The following PHYHD1 variants were observed in gnomAD, a reference collection of about 807,000 sequenced individuals.
PHYHD1 encodes phytanoyl-CoA dioxygenase domain-containing protein 1.
Under a neutral mutation model 43.6 loss-of-function variants are expected in PHYHD1, and 42 were observed. The ratio of observed to expected loss-of-function variants is 0.96; its 90% CI spans 0.75 to 1.25. The LOEUF (loss-of-function observed/expected upper bound fraction) is 1.25, where lower values mean the gene tolerates loss of function less well. Among genes scored for constraint, PHYHD1 ranks in the 50% most tolerant of loss-of-function variants. The probability of loss-of-function intolerance (pLI) is 0.00; values close to 1 mark genes in which losing one functional copy is unlikely to be tolerated. For missense variants in PHYHD1, 342 were observed against 370.8 expected, an observed-to-expected ratio of 0.92 and a Z score of 0.64; for synonymous variants, 139 against 143.6, an observed-to-expected ratio of 0.97 and a Z score of 0.23.
chr9:128,940,002 G>A (rs1458598129), intron 9 of PHYHD1, among the ~76,000 whole-genome samples: 2 of 152,120 alleles, frequency 1.3e-5, no homozygotes, highest in Non-Finnish European at 2.9e-5. Flanking sequence ...GGTGGCTGGG[G>A]GCCGCTTGTC....
At chr9:128,934,495 G>A (rs974312371) in intron 6 of PHYHD1, among the ~76,000 whole-genome samples, 4 of 152,044 alleles carry the variant, frequency 2.6e-5, no homozygotes, top group African/African-American at 4.8e-5. Context: ...GTGGCTGGGC[G>A]TGGTCGTTCA....
intron 8 of PHYHD1, among the ~76,000 whole-genome samples, chr9:128,937,234 C>T (rs1331191926): frequency 2.7e-5 from 4 of 150,924 alleles, no homozygotes; most frequent in East Asian, 3.9e-4. Flanking sequence ...GGCAATATAG[C>T]GAGACCCCAT....
intron 4 of PHYHD1, among the ~76,000 whole-genome samples, chr9:128,930,458 A>C (rs969503889): frequency 1.1e-4 from 16 of 150,882 alleles, no homozygotes; most frequent in African/African-American, 3.4e-4. Flanking sequence ...AAAAAAAAAA[A>C]AACAAACCCT....
chr9:128,936,793 C>A, intron 8 of PHYHD1, 148 bp downstream of exon 8: 1 of 981,984 alleles, frequency 1.0e-6, no homozygotes, highest in South Asian at 1.6e-5. Context: ...GCTAAAGCAC[C>A]TGGAACTTAG....
At chr9:128,927,732 G>T (rs779694056) in intron 4 of PHYHD1, among the ~76,000 whole-genome samples, 1 of 152,152 alleles carries the variant, frequency 6.6e-6, no homozygotes, top group Non-Finnish European at 1.5e-5. Flanking sequence ...AGTTAGTAGT[G>T]GACAGAGTCA....
chr9:128,922,368 C>T lies in PHYHD1; in HGVS notation c.33+12C>T. ...CGCAGCTCCAGAAGGTAGGAGCCTG[C>T]AAGTCGGGGCCGGGAGGGTCATGGC... On this transcript the variant is annotated intron_variant, in intron 3 of 12. Transcript: ENST00000372592. 5.2e-6 allele frequency: 8 copies of T among 1,548,524 alleles called. No homozygotes were observed. The highest frequency in any genetic ancestry group is 7.0e-6 in the Non-Finnish European group (8 of 1,146,406).
At chr9:128,933,884 GGA>G in intron 5 of PHYHD1, 27 bp downstream of exon 5, 1 of 1,611,290 alleles carries the variant, frequency 6.2e-7, no homozygotes, top group Non-Finnish European at 8.5e-7. Flanking sequence ...CTAGAGCTGG[GGA>G]GGAGCCATGG....
chr9:128,925,901 G>A (rs1179582490), intron 3 of PHYHD1, among the ~76,000 whole-genome samples: 1 of 152,138 alleles, frequency 6.6e-6, no homozygotes, highest in Non-Finnish European at 1.5e-5. Context: ...CAGCGCTGCT[G>A]CTCCCAGACC....
chr9:128,929,452 C>T (rs747703738), intron 4 of PHYHD1, among the ~76,000 whole-genome samples: 7 of 151,988 alleles, frequency 4.6e-5, no homozygotes, highest in Non-Finnish European at 8.8e-5. Context: ...ACAGGCAGAT[C>T]GCTGGAGGTC....
intron 8 of PHYHD1, 128 bp downstream of exon 8, chr9:128,936,773 G>T: frequency 8.9e-7 from 1 of 1,120,584 alleles, no homozygotes; most frequent in Non-Finnish European, 1.3e-6. Context: ...TGGAAAATCG[G>T]TCTCCTCTGG....
intron 8 of PHYHD1, among the ~76,000 whole-genome samples, chr9:128,937,483 C>G (rs962007276): frequency 6.6e-6 from 1 of 152,142 alleles, no homozygotes; most frequent in Non-Finnish European, 1.5e-5. Context: ...TGTGTCCTAG[C>G]CTCTCCCTCC....
intron 6 of PHYHD1, among the ~76,000 whole-genome samples, chr9:128,934,516 C>A (rs982806136): frequency 4.0e-5 from 6 of 151,794 alleles, no homozygotes; most frequent in Admixed American, 2.0e-4. Context: ...CGTCTGTAAT[C>A]CCAGGACTTT....
intron 4 of PHYHD1, among the ~76,000 whole-genome samples, chr9:128,932,166 A>ATTTTTTTTTTTTTTT (rs1564540372): frequency 8.1e-6 from 1 of 122,746 alleles, no homozygotes; most frequent in African/African-American, 3.5e-5. Context: ...TATTATTATT[A>ATTTTTTTTTTTTTTT]TTGTTATTAT....
intron 4 of PHYHD1, among the ~76,000 whole-genome samples, chr9:128,932,169 G>T (rs12346952): frequency 0.022 from 2,514 of 115,588 alleles, 152 homozygotes; most frequent in African/African-American, 0.083. Flanking sequence ...TATTATTATT[G>T]TTATTATTAT....
chr9:128,933,462 T>C (rs569788043), intron 4 of PHYHD1, among the ~76,000 whole-genome samples: 59 of 152,084 alleles, frequency 3.9e-4, no homozygotes, highest in African/African-American at 1.4e-3. Flanking sequence ...TTTTTACAGA[T>C]GAGAAAATGA....
chr9:128,926,877 T>C lies in PHYHD1; in HGVS notation c.34-161T>C, dbSNP rs552378969. ...TGTTCTTCCATTCAAGCAGCCAATA[T>C]TGATTGCTCTTTGCTGGGTGCCAGA... On this transcript the variant is annotated intron_variant, in intron 3 of 12. Coordinates refer to ENST00000372592, the MANE Select transcript of PHYHD1 (RefSeq NM_001100876.2). 45 of 922,132 alleles carry C rather than the reference T, an allele frequency of 4.9e-5. No homozygotes were observed. The African/African-American group carries it at 6.3e-4, about 13-fold the overall frequency. The allele number at this position is 922,132 out of a possible 1,614,324, so 57.1% of individuals were successfully genotyped here.
At chr9:128,924,022 G>A (rs191509516) in intron 3 of PHYHD1, among the ~76,000 whole-genome samples, 4 of 152,296 alleles carry the variant, frequency 2.6e-5, no homozygotes, top group Non-Finnish European at 2.9e-5. Context: ...AGAAGGCTGA[G>A]GCTGGAGAAT....
intron 4 of PHYHD1, among the ~76,000 whole-genome samples, chr9:128,930,486 C>T (rs1032748208): frequency 6.6e-6 from 1 of 151,184 alleles, no homozygotes; most frequent in Admixed American, 6.6e-5. Context: ...TGGCTCATGC[C>T]TGTAATCCCA....
chr9:128,940,498 G>C lies in PHYHD1; in HGVS notation c.586+1G>C. On this transcript the variant is annotated splice_donor_variant, in intron 10 of 12. Transcript: ENST00000372592. LOFTEE classifies it high-confidence loss of function. ...TGGTTCATCCCTGGCTCCCACACCA[G>C]TGAGGAACCCTGTCTCTTCTGCCCA... is the stretch of plus-strand genomic sequence containing the variant. The C allele has an allele frequency of 6.2e-7, 1 of 1,614,164 alleles. No individual in the cohort carries two copies. Among genetic ancestry groups the C allele is most frequent in the Non-Finnish European group, 8.5e-7 (1 of 1,180,028 alleles).
Sources: allele counts gnomAD v4.1 joint callset (sites outside exome capture counted in the v4.1 genomes callset), GRCh38; gene constraint gnomAD v4.1.1; transcripts MANE v1.5; gene names NCBI Gene and HGNC (gene_info 2026-07-23, HGNC 2026-07-21).